The following THNSL1 variants were observed in gnomAD, a reference collection of about 807,000 sequenced individuals.
THNSL1 encodes threonine synthase-like 1.
THNSL1 carries 48 observed loss-of-function variants against 50.4 expected under a neutral mutation model. That is an observed-to-expected ratio of 0.95 (90% confidence interval 0.76 to 1.21). The LOEUF (loss-of-function observed/expected upper bound fraction) is 1.21, where lower values mean the gene tolerates loss of function less well. THNSL1 is among the 50% of genes most tolerant of loss of function. THNSL1 has a pLI of 0.00. For missense variants in THNSL1, 896 were observed against 871.7 expected (o/e 1.03, Z -0.35); for synonymous variants, 309 against 306.1 (o/e 1.01, Z -0.10).
chr10:25,023,399 T>C lies in THNSL1; in HGVS notation c.176T>C (p.Ile59Thr). The C allele has an allele frequency of 6.2e-7, 1 of 1,614,166 alleles. No individual in the cohort carries two copies. The highest frequency in any genetic ancestry group is 1.1e-5 in the South Asian group (1 of 91,080). ...THSLVGDKNI[I>T]LMGPPGAGKT... is the part of the protein sequence containing the mutation. ...TCTCTTGTTGGAGACAAAAATATTATCCTGATGGGACCTCCTGGTGCTGGG... is the reference window on the plus strand; with the variant it reads ...TCTCTTGTTGGAGACAAAAATATTACCCTGATGGGACCTCCTGGTGCTGGG... Residue 59 changes from isoleucine (I) to threonine (T), a missense_variant, in exon 3 of 3, where the codon ATC (isoleucine) becomes ACC (threonine). Coordinates refer to ENST00000376356, the MANE Select transcript of THNSL1 (RefSeq NM_024838.5).
At chr10:25,009,722 G>A in the THNSL1 span, among the ~76,000 whole-genome samples, 1 of 152,126 alleles carries the variant, frequency 6.6e-6, no homozygotes, top group Admixed American at 6.5e-5. Context: ...GAATCATGGG[G>A]GTAGGTCTTT....
At chr10:24,963,479 A>G in the THNSL1 span, among the ~76,000 whole-genome samples, 1 of 152,240 alleles carries the variant, frequency 6.6e-6, no homozygotes, top group African/African-American at 2.4e-5. Flanking sequence ...CAGACTTTTT[A>G]AAATGGCAAA....
At chr10:24,995,882 A>G in the THNSL1 span, 1 of 1,589,118 alleles carries the variant, frequency 6.3e-7, no homozygotes, top group African/African-American at 1.4e-5. Flanking sequence ...GTTAAATATA[A>G]CATTTCTTTG....
the THNSL1 span, among the ~76,000 whole-genome samples, chr10:24,955,431 A>G: frequency 6.6e-6 from 1 of 152,222 alleles, no homozygotes; most frequent in Non-Finnish European, 1.5e-5. Context: ...TAAGCCAATT[A>G]TATCAGTGTA....
the THNSL1 span, chr10:24,984,683 C>G: frequency 6.7e-7 from 1 of 1,489,274 alleles, no homozygotes; most frequent in Non-Finnish European, 9.0e-7. Flanking sequence ...TTATATTTTC[C>G]ATGTTTTTTT....
At chr10:24,990,508 T>G in the THNSL1 span, 1 of 1,613,802 alleles carries the variant, frequency 6.2e-7, no homozygotes, top group Non-Finnish European at 8.5e-7. Flanking sequence ...TTTTCATAGC[T>G]GCTTTCTTAA....
the THNSL1 span, among the ~76,000 whole-genome samples, chr10:24,987,885 AT>A: frequency 6.6e-6 from 1 of 152,116 alleles, no homozygotes; most frequent in Non-Finnish European, 1.5e-5. Flanking sequence ...AACACACTAG[AT>A]ATTCAATAAA....
chr10:24,988,670 A>G, the THNSL1 span, among the ~76,000 whole-genome samples: 6 of 472 alleles, frequency 0.013, no homozygotes, highest in African/African-American at 0.025. Context: ...ATATGTATAT[A>G]TATATATATA....
At chr10:24,994,283 C>T in the THNSL1 span, among the ~76,000 whole-genome samples, 4 of 149,048 alleles carry the variant, frequency 2.7e-5, no homozygotes, top group South Asian at 4.3e-4. Flanking sequence ...CTTTCTCCCT[C>T]CCTTCCTTCA....
the THNSL1 span, among the ~76,000 whole-genome samples, chr10:24,994,526 G>T: frequency 1.3e-5 from 2 of 151,626 alleles, no homozygotes; most frequent in African/African-American, 4.8e-5. Context: ...TAGAGATGGG[G>T]TGTCACCATG....
the THNSL1 span, among the ~76,000 whole-genome samples, chr10:24,990,061 C>T: frequency 6.6e-6 from 1 of 152,056 alleles, no homozygotes; most frequent in Non-Finnish European, 1.5e-5. Context: ...GTTTTAAGGA[C>T]AGTTTCAATT....
At chr10:24,952,723 G>A in the THNSL1 span, 3,381 of 775,104 alleles carry the variant, frequency 4.4e-3, 68 homozygotes, top group African/African-American at 0.041. This position sits in a 1 kb window ranked among gnomAD's most constrained non-coding sequence, Gnocchi z 5.1. Flanking sequence ...CGGGCCCGCC[G>A]GCGGGAAGCA....
the THNSL1 span, among the ~76,000 whole-genome samples, chr10:25,008,183 CATA>C: frequency 4.6e-5 from 7 of 151,994 alleles, no homozygotes; most frequent in Non-Finnish European, 8.8e-5. Context: ...TAACACTACT[CATA>C]ATACTAAGAG....
the THNSL1 span, among the ~76,000 whole-genome samples, chr10:24,953,903 C>T: frequency 6.6e-6 from 1 of 152,192 alleles, no homozygotes; most frequent in Admixed American, 6.5e-5. Context: ...CGTTTCTAAG[C>T]GCCAGCGCCT....
the THNSL1 span, among the ~76,000 whole-genome samples, chr10:24,956,864 T>C: frequency 6.6e-6 from 1 of 152,234 alleles, no homozygotes; most frequent in East Asian, 1.9e-4. Flanking sequence ...CCCTGTCAGA[T>C]CAGCAGCCGC....
chr10:25,002,926 A>AAAAAAAGG, the THNSL1 span, among the ~76,000 whole-genome samples: 1 of 152,002 alleles, frequency 6.6e-6, no homozygotes, highest in East Asian at 1.9e-4. Context: ...TTGGGGTAAA[A>AAAAAAAGG]AAAAAAGGTG....
the THNSL1 span, among the ~76,000 whole-genome samples, chr10:24,954,813 C>T: frequency 1.3e-5 from 2 of 152,120 alleles, no homozygotes; most frequent in Non-Finnish European, 2.9e-5. Context: ...TAACATAATA[C>T]AAAATAATAC....
the THNSL1 span, among the ~76,000 whole-genome samples, chr10:24,954,136 TATTCACA>T: frequency 6.6e-6 from 1 of 152,178 alleles, no homozygotes; most frequent in African/African-American, 2.4e-5. Context: ...CCAGGAACCA[TATTCACA>T]AGCAACATCA....
At position 25,024,958 on chromosome 10, in the gene THNSL1, A is replaced by G. The variant is rs144526466; in HGVS notation, c.1735A>G (p.Met579Val). ...AAACCTAGAACGACATTTACACTTG[A>G]TGGCTAATAAAGATGGACAGCTAAT... ...SSNLERHLHLMANKDGQLMTE... is the reference protein window; with the variant it reads ...SSNLERHLHLVANKDGQLMTE... The change falls in exon 3 of 3, where the codon ATG (methionine) becomes GTG (valine). Residue 579 changes from methionine (M) to valine (V), a missense_variant. By Grantham distance (21) the Met-to-Val change is conservative (BLOSUM62 1). Coordinates refer to ENST00000376356, the MANE Select transcript of THNSL1 (RefSeq NM_024838.5). 6.2e-7 allele frequency: 1 copy of G among 1,614,158 alleles called. No individual in the cohort carries two copies. Among genetic ancestry groups the G allele is most frequent in the African/African-American group, 1.3e-5 (1 of 75,068 alleles).
Sources: gnomAD v4.1 joint callset for allele counts (sites outside exome capture counted in the v4.1 genomes callset) on GRCh38, gnomAD v4.1.1 for gene constraint, Gnocchi (gnomAD v3.1) non-coding constraint, MANE v1.5 for transcripts, NCBI Gene and HGNC (gene_info 2026-07-23, HGNC 2026-07-21) for gene names.